Variants in USP46 observed in about 807,000 individuals in gnomAD.
USP46 encodes ubiquitin carboxyl-terminal hydrolase 46.
USP46 carries 12 observed loss-of-function variants against 44.4 expected under a neutral mutation model. The ratio of observed to expected loss-of-function variants is 0.27; its 90% CI spans 0.17 to 0.44. The LOEUF is 0.44. Among genes scored for constraint, USP46 ranks in the 20% least tolerant of loss-of-function variants. The pLI is 1.00. For missense variants in USP46, 248 were observed against 444.8 expected (o/e 0.56, Z 3.98); for synonymous variants, 155 against 161.5 (o/e 0.96, Z 0.31).
chr4:52,606,058 T>C (rs577065191), intron 5 of USP46, among the ~76,000 whole-genome samples: 1 of 152,252 alleles, frequency 6.6e-6, no homozygotes. Flanking sequence ...CTCTGTTCAT[T>C]TGATTACTTG....
chr4:52,655,886 T>A (rs924985507), intron 1 of USP46, among the ~76,000 whole-genome samples: 2 of 152,122 alleles, frequency 1.3e-5, no homozygotes, highest in Admixed American at 6.5e-5. Context: ...AGTGGGTGGG[T>A]AAGTGGAGGA....
At chr4:52,601,808 G>A (rs377477301) in intron 7 of USP46, 49 bp downstream of exon 7, 29 of 1,568,576 alleles carry the variant, frequency 1.8e-5, no homozygotes, top group Non-Finnish European at 2.4e-5. Flanking sequence ...TCAGCGAAGA[G>A]GCAACCCTTA....
chr4:52,601,371 T>C (rs1396714717), intron 7 of USP46, among the ~76,000 whole-genome samples: 4 of 152,210 alleles, frequency 2.6e-5, no homozygotes, highest in African/African-American at 7.2e-5. Flanking sequence ...TATATACTTA[T>C]TACAGAATGT....
intron 1 of USP46, among the ~76,000 whole-genome samples, chr4:52,651,653 T>C (rs1469167305): frequency 6.6e-6 from 1 of 152,188 alleles, no homozygotes; most frequent in Admixed American, 6.5e-5. Flanking sequence ...AAGATGACCA[T>C]CGTTTCACAA....
chr4:52,622,781 A>T (rs1717429930), intron 4 of USP46, among the ~76,000 whole-genome samples: 1 of 152,212 alleles, frequency 6.6e-6, no homozygotes, highest in Non-Finnish European at 1.5e-5. Flanking sequence ...CCTGAAGAGG[A>T]TTTAGTCAAG....
rs146477079 is a variant in USP46 at position 52,611,958 on chromosome 4, G to A, written c.562-1341C>T. Reference sequence around the variant, plus strand: ...TGGTTATTGCCCAGATCCGTATCCCGTCTCTGCCGTTTATATAAAGTCGAT... The same window carrying A: ...TGGTTATTGCCCAGATCCGTATCCCATCTCTGCCGTTTATATAAAGTCGAT... On this transcript the variant is annotated intron_variant, in intron 4 of 8. Coordinates refer to ENST00000441222, the MANE Select transcript of USP46 (RefSeq NM_022832.4). 3.2e-4 allele frequency among the ~76,000 whole-genome samples: 49 copies of A among 152,164 alleles called. 1 individual carries two copies. The East Asian group carries it at 6.8e-3, about 21-fold the overall frequency.
chr4:52,620,209 A>C (rs1158385754), intron 4 of USP46, among the ~76,000 whole-genome samples: 1 of 152,088 alleles, frequency 6.6e-6, no homozygotes, highest in Non-Finnish European at 1.5e-5. Context: ...TTTCATAGAA[A>C]AACAACAACA....
At chr4:52,638,661 GA>G (rs1380965209) in intron 1 of USP46, among the ~76,000 whole-genome samples, 1 of 146,516 alleles carries the variant, frequency 6.8e-6, no homozygotes, top group Non-Finnish European at 1.5e-5. Context: ...TTTTTTTTAT[GA>G]AAAAAATATA....
chr4:52,616,224 C>A (rs1344116662), intron 4 of USP46, among the ~76,000 whole-genome samples: 1 of 152,192 alleles, frequency 6.6e-6, no homozygotes, highest in Non-Finnish European at 1.5e-5. Flanking sequence ...CAGGTAGAAG[C>A]CAGAGATGCT....
intron 1 of USP46, among the ~76,000 whole-genome samples, chr4:52,654,795 T>C (rs929906262): frequency 6.6e-6 from 1 of 152,206 alleles, no homozygotes; most frequent in African/African-American, 2.4e-5. Flanking sequence ...ATGTCATAAG[T>C]TCAATACAGT....
intron 4 of USP46, among the ~76,000 whole-genome samples, chr4:52,624,962 A>G (rs1717518195): frequency 6.6e-6 from 1 of 152,178 alleles, no homozygotes; most frequent in Non-Finnish European, 1.5e-5. Context: ...TTGTTTAAGC[A>G]ACTCATGAGG....
intron 1 of USP46, among the ~76,000 whole-genome samples, chr4:52,638,319 G>A (rs1718193392): frequency 6.6e-6 from 1 of 152,090 alleles, no homozygotes; most frequent in Non-Finnish European, 1.5e-5. Context: ...CATGAGCCAA[G>A]GGATGCAGGC....
chr4:52,649,600 A>C (rs1314467996), intron 1 of USP46, among the ~76,000 whole-genome samples: 2 of 152,242 alleles, frequency 1.3e-5, no homozygotes, highest in Non-Finnish European at 2.9e-5. Flanking sequence ...TGCTGAATCC[A>C]AATTGACATT....
chr4:52,624,403 G>A (rs1717498259), intron 4 of USP46, among the ~76,000 whole-genome samples: 1 of 152,148 alleles, frequency 6.6e-6, no homozygotes, highest in Non-Finnish European at 1.5e-5. Flanking sequence ...GGGCTAATGT[G>A]ATCACAAATT....
chr4:52,641,923 G>A (rs1435319983), intron 1 of USP46, among the ~76,000 whole-genome samples: 3 of 152,226 alleles, frequency 2.0e-5, no homozygotes, highest in Non-Finnish European at 4.4e-5. Context: ...GTGGATGACA[G>A]AAGAGGTGAA....
At chr4:52,632,957 AAAGAAAGAAAGAAAGAAAGAAAG>A (rs551969206) in intron 1 of USP46, among the ~76,000 whole-genome samples, 68 of 78,662 alleles carry the variant, frequency 8.6e-4, no homozygotes, top group African/African-American at 3.9e-3. Context: ...AGAAAGAAAG[AAAGAAAGAAAGAAAGAAAGAAAG>A]AAAGAAAAGA....
At chr4:52,658,366 A>G in intron 1 of USP46, 1 of 440,598 alleles carries the variant, frequency 2.3e-6, no homozygotes, top group African/African-American at 2.0e-5. Context: ...GAACCCAGTG[A>G]TGTCCCTGGC....
At chr4:52,651,449 A>G (rs1367114527) in intron 1 of USP46, among the ~76,000 whole-genome samples, 5 of 152,188 alleles carry the variant, frequency 3.3e-5, no homozygotes, top group African/African-American at 1.2e-4. Context: ...TTGGTACACC[A>G]AAGAACCTAA....
intron 7 of USP46, among the ~76,000 whole-genome samples, chr4:52,599,481 A>T (rs910394883): frequency 6.6e-6 from 1 of 152,066 alleles, no homozygotes; most frequent in Non-Finnish European, 1.5e-5. Flanking sequence ...TGCAGGTAAG[A>T]TTTTAGGCTT....
Sources: allele counts gnomAD v4.1 joint callset (sites outside exome capture counted in the v4.1 genomes callset), GRCh38; gene constraint gnomAD v4.1.1; transcripts MANE v1.5; gene names NCBI Gene and HGNC (gene_info 2026-07-23, HGNC 2026-07-21).